Variants in DGKG observed in about 807,000 individuals in gnomAD.
The protein encoded by DGKG is DAG kinase gamma.
In DGKG, 78 loss-of-function variants were observed where a neutral mutation model predicts 105.3. The ratio of observed to expected loss-of-function variants is 0.74; its 90% confidence interval spans 0.62 to 0.89. DGKG has a LOEUF of 0.89. Ranked by LOEUF, DGKG falls within the 40% of genes least tolerant of loss-of-function variation. The probability of loss-of-function intolerance (pLI) is 0.00; values close to 1 mark genes in which losing one functional copy is unlikely to be tolerated. For missense variants in DGKG, 958 were observed against 1,020.1 expected (o/e 0.94, Z 0.83); for synonymous variants, 346 against 367.1 (o/e 0.94, Z 0.66).
At chr3:186,201,826 A>C (rs9838228) in intron 21 of DGKG, among the ~76,000 whole-genome samples, 126,630 of 152,256 alleles carry the variant, frequency 0.83, 53,509 homozygotes, top group Non-Finnish European at 0.92. Flanking sequence ...GCATTGTGCT[A>C]AGTCCAGGGG....
chr3:186,233,437 T>C (rs535902875), intron 20 of DGKG, among the ~76,000 whole-genome samples: 1 of 152,304 alleles, frequency 6.6e-6, no homozygotes, highest in East Asian at 1.9e-4. Flanking sequence ...TATTTCAGAC[T>C]TCCAACCTCC....
chr3:186,168,933 T>C (rs1716687446), intron 22 of DGKG, among the ~76,000 whole-genome samples: 1 of 152,160 alleles, frequency 6.6e-6, no homozygotes, highest in Non-Finnish European at 1.5e-5. Flanking sequence ...CGTAAACTGA[T>C]AGGAAGGAAA....
chr3:186,348,124 T>C (rs927303503), intron 1 of DGKG, among the ~76,000 whole-genome samples: 4 of 152,188 alleles, frequency 2.6e-5, no homozygotes, highest in Non-Finnish European at 5.9e-5. Flanking sequence ...CCCACATTAT[T>C]ATCATTAAGT....
intron 21 of DGKG, among the ~76,000 whole-genome samples, chr3:186,208,830 C>T (rs1054716943): frequency 2.6e-5 from 4 of 152,216 alleles, no homozygotes; most frequent in African/African-American, 9.6e-5. Flanking sequence ...GACTTTACTG[C>T]TTCTAGCACC....
intron 20 of DGKG, among the ~76,000 whole-genome samples, chr3:186,240,797 GA>G (rs951328376): frequency 9.6e-4 from 86 of 89,954 alleles, no homozygotes; most frequent in African/African-American, 2.6e-3. Context: ...GCAACAGAGC[GA>G]AACTCCATGA....
At chr3:186,246,730 C>T (rs1028805178) in intron 19 of DGKG, among the ~76,000 whole-genome samples, 9 of 152,250 alleles carry the variant, frequency 5.9e-5, no homozygotes, top group South Asian at 2.1e-4. Context: ...AAAATTATGT[C>T]TTGTTGAGAA....
intron 20 of DGKG, among the ~76,000 whole-genome samples, chr3:186,215,591 T>C (rs1006388573): frequency 6.6e-6 from 1 of 151,538 alleles, no homozygotes; most frequent in African/African-American, 2.4e-5. Context: ...GGAAAATAGA[T>C]TGGAGGTGGT....
intron 9 of DGKG, among the ~76,000 whole-genome samples, chr3:186,276,639 T>A (rs768805823): frequency 2.0e-5 from 3 of 152,202 alleles, no homozygotes; most frequent in Admixed American, 6.5e-5. Flanking sequence ...CTGCATCTAC[T>A]AGGTACACCA....
At chr3:186,257,388 T>C (rs1464759491) in intron 17 of DGKG, among the ~76,000 whole-genome samples, 3 of 152,232 alleles carry the variant, frequency 2.0e-5, no homozygotes. Flanking sequence ...CACAGCTCAG[T>C]GTGGTCCTTC....
At chr3:186,237,634 G>A (rs1720480854) in intron 20 of DGKG, among the ~76,000 whole-genome samples, 1 of 152,196 alleles carries the variant, frequency 6.6e-6, no homozygotes, top group Non-Finnish European at 1.5e-5. Context: ...AGCAATGAGT[G>A]GGATGATGTA....
rs183347774 is a variant in DGKG at position 186,261,774 on chromosome 3, T to G, written c.1274A>C (p.Lys425Thr). Reference sequence around the variant, plus strand: ...GTGGGTACCCGGGGTGGGGATGATCTTATACTTGAAAGGTAAAAGAAAAAG... The same window carrying G: ...GTGGGTACCCGGGGTGGGGATGATCGTATACTTGAAAGGTAAAAGAAAAAG... Reference protein sequence around the residue: ...SAKGELVMQYKIIPTPGTHPL... With the variant: ...SAKGELVMQYTIIPTPGTHPL... Residue 425 changes from lysine (K) to threonine (T), a missense_variant, in exon 15 of 25, where the codon AAG becomes ACG. Lys to Thr is a moderately conservative substitution (Grantham distance 78, BLOSUM62 -1). Around this residue, in one of 2 missense-constraint regions of DGKG, gnomAD observed 643 missense variants for 619.5 expected, o/e 1.04. Coordinates refer to ENST00000265022, the MANE Select transcript of DGKG (RefSeq NM_001346.3). 1.3e-6 allele frequency: 2 copies of G among 1,596,914 alleles called. No individual in the cohort carries two copies. The highest frequency in any genetic ancestry group is 2.7e-5 in the African/African-American group (2 of 74,584).
chr3:186,190,956 C>G lies in DGKG; in HGVS notation c.1918-2577G>C, dbSNP rs1578643358. 2.0e-5 allele frequency among the ~76,000 whole-genome samples: 3 copies of G among 152,236 alleles called. No homozygotes were observed. The South Asian group carries it at 6.2e-4, about 32-fold the overall frequency. On this transcript the variant is annotated intron_variant, in intron 21 of 24. Transcript: ENST00000265022. ...TGCATCTTCTGGACTGGACTGTCAC[C>G]CAGCCTACTTTTTGTTATTAGACAG...
intron 21 of DGKG, among the ~76,000 whole-genome samples, chr3:186,196,581 A>C (rs1051493852): frequency 6.6e-6 from 1 of 152,224 alleles, no homozygotes; most frequent in Non-Finnish European, 1.5e-5. Context: ...TACTTAGCTA[A>C]TTAGAGTGAG....
chr3:186,273,367 C>CTT (rs375667915), intron 10 of DGKG, among the ~76,000 whole-genome samples: 23,515 of 85,428 alleles, frequency 0.28, 6,624 homozygotes, highest in East Asian at 0.44. Context: ...TGTTGTACCC[C>CTT]TTTTTTTTTT....
intron 3 of DGKG, among the ~76,000 whole-genome samples, chr3:186,299,837 C>CTTTCTTTCTTTCTTTCT (rs1560142091): frequency 1.1e-5 from 1 of 89,996 alleles, no homozygotes; most frequent in Non-Finnish European, 2.3e-5. Context: ...TTCTTTCTTT[C>CTTTCTTTCTTTCTTTCT]TTTTTTTTTT....
intron 22 of DGKG, among the ~76,000 whole-genome samples, chr3:186,175,908 A>C (rs939473866): frequency 6.6e-6 from 1 of 152,204 alleles, no homozygotes; most frequent in Non-Finnish European, 1.5e-5. Context: ...CCAACTTAAC[A>C]ACAACAACAA....
At chr3:186,172,325 C>G (rs1462655922) in intron 22 of DGKG, among the ~76,000 whole-genome samples, 1 of 152,238 alleles carries the variant, frequency 6.6e-6, no homozygotes, top group Non-Finnish European at 1.5e-5. Context: ...CCCCTTCCAT[C>G]AGCACACCAG....
At chr3:186,299,359 G>A (rs1209611322) in intron 3 of DGKG, among the ~76,000 whole-genome samples, 1 of 152,186 alleles carries the variant, frequency 6.6e-6, no homozygotes, top group Non-Finnish European at 1.5e-5. Context: ...GCTTACATGT[G>A]TATAAACAAG....
At chr3:186,185,155 T>C (rs1653341255) in intron 22 of DGKG, among the ~76,000 whole-genome samples, 1 of 152,186 alleles carries the variant, frequency 6.6e-6, no homozygotes, top group African/African-American at 2.4e-5. Flanking sequence ...AGGCGAATGC[T>C]TTTTCACTAA....
Sources: allele counts gnomAD v4.1 joint callset (sites outside exome capture counted in the v4.1 genomes callset), GRCh38; gene constraint gnomAD v4.1.1; regional missense constraint gnomAD v4.1.1; transcripts MANE v1.5; gene names NCBI Gene and HGNC (gene_info 2026-07-23, HGNC 2026-07-21).